RBFOX2: variants seen among roughly 807,000 people sequenced by gnomAD.
RBFOX2 encodes RNA binding protein fox-1 homolog 2.
Under a neutral mutation model 49.1 loss-of-function variants are expected in RBFOX2, and 10 were observed. The ratio of observed to expected loss-of-function variants is 0.20; its 90% confidence interval spans 0.13 to 0.35. The LOEUF (loss-of-function observed/expected upper bound fraction) is 0.35, where lower values mean the gene tolerates loss of function less well. RBFOX2 is among the 10% of genes least tolerant of loss of function. The pLI, the probability that RBFOX2 is intolerant of heterozygous loss-of-function variation, is 1.00. For synonymous variants in RBFOX2, 183 were observed against 187.4 expected (o/e 0.98, Z 0.19); for missense variants, 323 against 486.9 (o/e 0.66, Z 3.17).
At chr22:35,945,126 A>G (rs967559783) in intron 1 of RBFOX2, among the ~76,000 whole-genome samples, 5 of 152,226 alleles carry the variant, frequency 3.3e-5, no homozygotes, top group African/African-American at 1.2e-4. Context: ...GCTGTCTTCT[A>G]CAAATAACTT....
chr22:35,798,245 G>C (rs1337282290), intron 2 of RBFOX2, among the ~76,000 whole-genome samples: 1 of 152,214 alleles, frequency 6.6e-6, no homozygotes, highest in Admixed American at 6.5e-5. Context: ...AAAGTGCTGG[G>C]ATTACAGGCA....
At chr22:35,745,675 T>A (rs1388340407) in intron 11 of RBFOX2, among the ~76,000 whole-genome samples, 1 of 152,246 alleles carries the variant, frequency 6.6e-6, no homozygotes, top group East Asian at 1.9e-4. Context: ...TCGCAAATCA[T>A]GCCACTACTC....
intron 1 of RBFOX2, among the ~76,000 whole-genome samples, chr22:35,903,000 C>T (rs1302837001): frequency 6.6e-6 from 1 of 152,068 alleles, no homozygotes; most frequent in Non-Finnish European, 1.5e-5. Flanking sequence ...AGCATTCAGA[C>T]AGTATCTTCT....
At chr22:35,766,539 T>C (rs1486849961) in intron 5 of RBFOX2, among the ~76,000 whole-genome samples, 1 of 152,038 alleles carries the variant, frequency 6.6e-6, no homozygotes, top group African/African-American at 2.4e-5. Flanking sequence ...TAATCCCCCA[T>C]ATGAGGAAAG....
chr22:35,791,562 A>G (rs992186636), intron 2 of RBFOX2, among the ~76,000 whole-genome samples: 3 of 152,136 alleles, frequency 2.0e-5, no homozygotes, highest in African/African-American at 7.2e-5. Context: ...AAAGAGACTG[A>G]AAGTACATTC....
chr22:35,983,300 C>G (rs1277135802), intron 1 of RBFOX2, among the ~76,000 whole-genome samples: 2 of 152,194 alleles, frequency 1.3e-5, no homozygotes, highest in African/African-American at 4.8e-5. Flanking sequence ...TACCCGCCCC[C>G]TACCAGGGGC....
At chr22:36,014,569 C>A (rs1307482839) in intron 1 of RBFOX2, among the ~76,000 whole-genome samples, 1 of 151,936 alleles carries the variant, frequency 6.6e-6, no homozygotes, top group Non-Finnish European at 1.5e-5. Context: ...TCTAACACTG[C>A]AAAAAATAAC....
exon 2 of RBFOX2, chr22:35,809,903 C>T (rs1461664747): frequency 1.9e-6 from 3 of 1,613,774 alleles, no homozygotes; most frequent in Admixed American, 3.3e-5. Context: ...TGTGTGGCAC[C>T]CCATACTCTG....
intron 1 of RBFOX2, among the ~76,000 whole-genome samples, chr22:35,980,009 G>C (rs377122651): frequency 6.6e-6 from 1 of 152,290 alleles, no homozygotes; most frequent in East Asian, 1.9e-4. Flanking sequence ...CAGGCTAACA[G>C]AGATAGCCTT....
chr22:35,939,040 G>T, upstream of RBFOX2: 1 of 792,826 alleles, frequency 1.3e-6, no homozygotes, highest in Non-Finnish European at 2.2e-6. Flanking sequence ...CTACCTAAGT[G>T]TATATATCTC....
At chr22:35,760,899 A>C (rs1051496449) in intron 8 of RBFOX2, among the ~76,000 whole-genome samples, 1 of 152,168 alleles carries the variant, frequency 6.6e-6, no homozygotes, top group Non-Finnish European at 1.5e-5. Flanking sequence ...GAGGAAATGT[A>C]TAATATGCTC....
chr22:36,012,789 G>C lies in RBFOX2; in HGVS notation c.186+15451C>G, dbSNP rs1246220573. Among the ~76,000 whole-genome samples the C allele has an allele frequency of 2.6e-5, 4 of 151,976 alleles. No individual in the cohort carries two copies. In the South Asian group the frequency reaches 6.3e-4, roughly 24 times the overall value. ...TTTTTTTGTTTGTTTTTTTGAGACA[G>C]AGTCTCACTCTGTCACCCGGGCTGG... On this transcript the variant is annotated intron_variant, in intron 1 of 13. Coordinates refer to the RBFOX2 transcript ENST00000438146.
intron 1 of RBFOX2, among the ~76,000 whole-genome samples, chr22:35,825,697 T>A (rs796683216): frequency 6.6e-6 from 1 of 152,202 alleles, no homozygotes; most frequent in African/African-American, 2.4e-5. Context: ...TTAACTAAGA[T>A]AGGCCGGGTG....
exon 1 of RBFOX2, chr22:35,961,632 A>G: frequency 7.7e-7 from 1 of 1,303,962 alleles, no homozygotes; most frequent in Non-Finnish European, 1.0e-6. Context: ...TGGAATTCTA[A>G]ACCCTGCTGC....
chr22:35,915,154 AC>A (rs2050264383), intron 1 of RBFOX2, among the ~76,000 whole-genome samples: 1 of 152,096 alleles, frequency 6.6e-6, no homozygotes, highest in South Asian at 2.1e-4. Flanking sequence ...CCTCTGAGCC[AC>A]CTCCTTTAAG....
upstream of RBFOX2, among the ~76,000 whole-genome samples, chr22:35,963,790 G>C (rs910506610): frequency 6.6e-6 from 1 of 152,122 alleles, no homozygotes; most frequent in Non-Finnish European, 1.5e-5. Context: ...CTGTCGCCCA[G>C]GCTGGAGTGC....
chr22:35,958,978 G>A (rs1206095231), intron 1 of RBFOX2, among the ~76,000 whole-genome samples: 1 of 140,868 alleles, frequency 7.1e-6, no homozygotes, highest in African/African-American at 2.7e-5. Flanking sequence ...TATATATATT[G>A]TGTAAAGCTT....
At chr22:35,801,500 A>C (rs567190214) in intron 2 of RBFOX2, among the ~76,000 whole-genome samples, 8 of 151,786 alleles carry the variant, frequency 5.3e-5, no homozygotes, top group Non-Finnish European at 1.2e-4. Flanking sequence ...TAAATGGCTT[A>C]TGAGCAGTGA....
chr22:35,938,957 C>T (rs1463178809), upstream of RBFOX2: 1 of 1,443,280 alleles, frequency 6.9e-7, no homozygotes, highest in Non-Finnish European at 9.8e-7. Flanking sequence ...TAGGCATAAT[C>T]AAAATCATCC....
Sources: gnomAD v4.1 joint callset for allele counts (sites outside exome capture counted in the v4.1 genomes callset) on GRCh38, gnomAD v4.1.1 for gene constraint, MANE v1.5 for transcripts, NCBI Gene and HGNC (gene_info 2026-07-23, HGNC 2026-07-21) for gene names.